The following ZNF600 variants were observed in gnomAD, a reference collection of about 807,000 sequenced individuals.
The protein encoded by ZNF600 is zinc finger protein 600.
A neutral mutation model predicts 7.3 loss-of-function variants in ZNF600; 4 were observed. The observed-to-expected ratio is 0.55, with a 90% CI of 0.27 to 1.25. The LOEUF (loss-of-function observed/expected upper bound fraction) is 1.25. Ranked by LOEUF, ZNF600 falls within the 50% of genes most tolerant of loss-of-function variation. The pLI is 0.12. For missense variants in ZNF600, 911 were observed against 922.1 expected, an observed-to-expected ratio of 0.99 and a Z score of 0.16; for synonymous variants, 290 against 308.9, an observed-to-expected ratio of 0.94 and a Z score of 0.64.
At position 52,765,862 on chromosome 19, in the gene ZNF600, G is replaced by A; in HGVS notation, c.2101C>T (p.His701Tyr). 6.2e-7 allele frequency: 1 copy of A among 1,613,998 alleles called. No homozygotes were observed. Among genetic ancestry groups the A allele is most frequent in the Non-Finnish European group, 8.5e-7 (1 of 1,179,880 alleles). Residue 701 changes from histidine (H) to tyrosine (Y), a missense_variant, in exon 4 of 4, where the codon CAT becomes TAT. By Grantham distance (83) the His-to-Tyr change is moderately conservative. Coordinates refer to ENST00000648973, the Ensembl canonical transcript of ZNF600. Reference sequence around the variant, plus strand: ...CATTTGTAAAGTTTCTCCCCAGCATGAATTCTATGATGAAGTGAAAGTTGT... The same window carrying A: ...CATTTGTAAAGTTTCTCCCCAGCATAAATTCTATGATGAAGTGAAAGTTGT...
the ZNF600 span, chr19:52,799,807 G>T: frequency 6.2e-7 from 1 of 1,610,728 alleles, no homozygotes. Context: ...CTCTGATGCT[G>T]TGCAAGGTGT....
At chr19:52,802,406 A>G in the ZNF600 span, among the ~76,000 whole-genome samples, 1 of 151,946 alleles carries the variant, frequency 6.6e-6, no homozygotes, top group South Asian at 2.1e-4. Flanking sequence ...AAGGCAGGGC[A>G]TGGTGGCTCA....
intron 1 of ZNF600, among the ~76,000 whole-genome samples, chr19:52,783,330 G>A (rs982902696): frequency 1.3e-5 from 2 of 152,060 alleles, no homozygotes; most frequent in Non-Finnish European, 2.9e-5. Context: ...GTCCCCCTTC[G>A]TCTTCATTAC....
At chr19:52,777,350 C>A (rs1600390590) in intron 2 of ZNF600, among the ~76,000 whole-genome samples, 2 of 152,128 alleles carry the variant, frequency 1.3e-5, no homozygotes, top group South Asian at 2.1e-4. Flanking sequence ...GCAATCCAAC[C>A]TGGGCAACGG....
At chr19:52,830,047 G>C in the ZNF600 span, among the ~76,000 whole-genome samples, 1 of 152,118 alleles carries the variant, frequency 6.6e-6, no homozygotes, top group African/African-American at 2.4e-5. Context: ...ACCGCAGTGG[G>C]TGGATCACCT....
At chr19:52,830,847 T>G in the ZNF600 span, among the ~76,000 whole-genome samples, 1 of 144,556 alleles carries the variant, frequency 6.9e-6, no homozygotes, top group Non-Finnish European at 1.5e-5. Context: ...AATGGGCATG[T>G]AGGAGTGAAC....
the ZNF600 span, among the ~76,000 whole-genome samples, chr19:52,793,764 C>A: frequency 7.2e-6 from 1 of 138,832 alleles, no homozygotes; most frequent in Non-Finnish European, 1.6e-5. Flanking sequence ...CCAAACTCTG[C>A]CACACACACA....
chr19:52,779,031 A>T (rs945524553), intron 1 of ZNF600, 124 bp from the exon 4 acceptor site: 2 of 812,682 alleles, frequency 2.5e-6, no homozygotes, highest in Non-Finnish European at 3.7e-6. Flanking sequence ...ACTGCACCAG[A>T]GATCATGCAG....
chr19:52,806,262 C>T, the ZNF600 span, among the ~76,000 whole-genome samples: 1 of 151,996 alleles, frequency 6.6e-6, no homozygotes. Flanking sequence ...GGTGCGATCT[C>T]GGCTCACTGC....
chr19:52,777,582 A>G (rs1232025987), intron 2 of ZNF600, among the ~76,000 whole-genome samples: 2 of 152,202 alleles, frequency 1.3e-5, no homozygotes, highest in African/African-American at 4.8e-5. Context: ...CTTTAATCCC[A>G]GCACTTTGGG....
At chr19:52,809,246 G>A in the ZNF600 span, among the ~76,000 whole-genome samples, 8 of 152,144 alleles carry the variant, frequency 5.3e-5, no homozygotes, top group Admixed American at 1.3e-4. Context: ...TCAGATATCT[G>A]TAGTAATGCG....
At chr19:52,831,255 T>G in the ZNF600 span, among the ~76,000 whole-genome samples, 5 of 152,276 alleles carry the variant, frequency 3.3e-5, no homozygotes, top group South Asian at 8.3e-4. Flanking sequence ...AGAGACAGAC[T>G]GAGCGCAGTG....
At chr19:52,778,841 G>C (rs1600392564) in exon 2 of ZNF600, 2 of 1,607,782 alleles carry the variant, frequency 1.2e-6, no homozygotes, top group Non-Finnish European at 1.7e-6. Flanking sequence ...GAAGAGCCAT[G>C]CCTGGCTCCT....
chr19:52,813,685 G>A, the ZNF600 span, among the ~76,000 whole-genome samples: 15 of 141,962 alleles, frequency 1.1e-4, 1 homozygote, highest in Non-Finnish European at 2.1e-4. Context: ...TTCCTTTTGT[G>A]TTTCTTTTTC....
At chr19:52,810,602 A>G in the ZNF600 span, 4 of 1,524,316 alleles carry the variant, frequency 2.6e-6, no homozygotes, top group Admixed American at 5.0e-5. Context: ...CCGACCACCA[A>G]CTACAGCAGT....
the ZNF600 span, chr19:52,798,965 T>C: frequency 7.6e-6 from 10 of 1,308,664 alleles, no homozygotes; most frequent in East Asian, 2.5e-4. Context: ...AATTCTAGTA[T>C]GGTGTGCCAG....
Position 52,773,294 on chromosome 19 carries a change from G to C in ZNF600, c.190+1281C>G, listed in dbSNP as rs181158958. ...AGCAAATGGTAAAATATTGACCCAA[G>C]GTTAAATATTCAAATTACAATATGG... On this transcript the variant is annotated intron_variant, in intron 3 of 3. Transcript: ENST00000648973. 2.5e-3 allele frequency among the ~76,000 whole-genome samples: 374 copies of C among 152,246 alleles called. 2 individuals carry two copies. Among genetic ancestry groups the C allele is most frequent in the African/African-American group, 8.6e-3 (359 of 41,540 alleles).
the ZNF600 span, among the ~76,000 whole-genome samples, chr19:52,830,870 C>T: frequency 0.063 from 7,865 of 125,276 alleles, 1,002 homozygotes; most frequent in African/African-American, 0.12. Context: ...TGTGCATGCA[C>T]ATCTGTGGGA....
At chr19:52,798,367 T>G in the ZNF600 span, 1 of 347,436 alleles carries the variant, frequency 2.9e-6, no homozygotes, top group Non-Finnish European at 5.7e-6. Flanking sequence ...CAACTCAAAC[T>G]CAGGTCAGTG....
Sources: gnomAD v4.1 joint callset for allele counts (sites outside exome capture counted in the v4.1 genomes callset) on GRCh38, gnomAD v4.1.1 for gene constraint, MANE v1.5 for transcripts, NCBI Gene and HGNC (gene_info 2026-07-23, HGNC 2026-07-21) for gene names.